The following DLG2 variants were observed in gnomAD, a reference collection of about 807,000 sequenced individuals.
The protein encoded by DLG2 is discs large MAGUK scaffold protein 2, also known as disks large homolog 2.
Under a neutral mutation model 132.5 loss-of-function variants are expected in DLG2, and 45 were observed. That is an observed-to-expected ratio of 0.34 (90% confidence interval 0.27 to 0.44). DLG2 has a LOEUF of 0.44. Among genes scored for constraint, DLG2 ranks in the 20% least tolerant of loss-of-function variants. The pLI is 1.00. For missense variants in DLG2, 1,045 were observed against 1,196.9 expected, an observed-to-expected ratio of 0.87 and a Z score of 1.87; for synonymous variants, 424 against 419.6, an observed-to-expected ratio of 1.01 and a Z score of -0.13.
At chr11:84,076,452 C>T (rs545231993) in intron 10 of DLG2, among the ~76,000 whole-genome samples, 4 of 152,142 alleles carry the variant, frequency 2.6e-5, no homozygotes, top group African/African-American at 7.2e-5. Flanking sequence ...CTACGCCACG[C>T]GATTATTGCT....
At chr11:84,059,276 T>G in intron 11 of DLG2, 39 bp downstream of exon 11, 1 of 1,598,784 alleles carries the variant, frequency 6.3e-7, no homozygotes, top group Non-Finnish European at 8.5e-7. Context: ...GTCAGATGGT[T>G]TGTCACTAGT....
intron 3 of DLG2, among the ~76,000 whole-genome samples, chr11:85,492,616 C>T (rs542798951): frequency 1.3e-5 from 2 of 152,178 alleles, no homozygotes; most frequent in African/African-American, 4.8e-5. Context: ...TAGATTTATA[C>T]AAATAAAATT....
chr11:85,425,474 G>T (rs1412299257), intron 3 of DLG2, among the ~76,000 whole-genome samples: 2 of 151,826 alleles, frequency 1.3e-5, no homozygotes, highest in African/African-American at 4.8e-5. Flanking sequence ...TGTTTTTGAG[G>T]TTATGGTAAA....
At chr11:85,217,806 C>T (rs555582172) in intron 4 of DLG2, among the ~76,000 whole-genome samples, 2 of 152,320 alleles carry the variant, frequency 1.3e-5, no homozygotes, top group East Asian at 3.9e-4. Context: ...AAAGTTACCT[C>T]TTCGGTTGCT....
intron 7 of DLG2, among the ~76,000 whole-genome samples, chr11:84,521,176 G>A (rs1276963128): frequency 6.6e-6 from 1 of 152,238 alleles, no homozygotes; most frequent in Non-Finnish European, 1.5e-5. Flanking sequence ...GATGAAGAGA[G>A]AGGTTGGTCT....
At chr11:84,331,599 G>T (rs928595805) in intron 7 of DLG2, among the ~76,000 whole-genome samples, 1 of 151,098 alleles carries the variant, frequency 6.6e-6, no homozygotes, top group African/African-American at 2.4e-5. Flanking sequence ...GGAGAGGTGG[G>T]GCGGCCGGGT....
intron 26 of DLG2, among the ~76,000 whole-genome samples, chr11:83,465,578 G>A (rs1238624092): frequency 6.6e-6 from 1 of 152,022 alleles, no homozygotes; most frequent in Non-Finnish European, 1.5e-5. Flanking sequence ...TCATGGAAGA[G>A]GTACTGTTTA....
chr11:85,340,601 C>T (rs2152857882), intron 3 of DLG2, among the ~76,000 whole-genome samples: 1 of 152,304 alleles, frequency 6.6e-6, no homozygotes, highest in Non-Finnish European at 1.5e-5. Flanking sequence ...ATCAAACCTG[C>T]ACATTGTGCA....
At chr11:84,178,415 C>T (rs2096027789) in intron 8 of DLG2, among the ~76,000 whole-genome samples, 1 of 152,070 alleles carries the variant, frequency 6.6e-6, no homozygotes, top group South Asian at 2.1e-4. Flanking sequence ...AGTTTGAGTG[C>T]ATATGAAAGG....
At chr11:85,473,596 A>T (rs1201797641) in intron 3 of DLG2, among the ~76,000 whole-genome samples, 3 of 152,142 alleles carry the variant, frequency 2.0e-5, no homozygotes, top group African/African-American at 7.2e-5. Context: ...TTTTTAACAT[A>T]ATGACCACTT....
At chr11:83,530,286 T>C (rs1270617841) in intron 21 of DLG2, among the ~76,000 whole-genome samples, 2 of 152,122 alleles carry the variant, frequency 1.3e-5, no homozygotes, top group Non-Finnish European at 2.9e-5. Context: ...CAATAAATTT[T>C]CATTTCATTT....
chr11:84,676,314 T>G (rs1174941407), intron 6 of DLG2, among the ~76,000 whole-genome samples: 2 of 152,038 alleles, frequency 1.3e-5, no homozygotes, highest in Non-Finnish European at 2.9e-5. Flanking sequence ...TTATAATTAG[T>G]CAGTTCTTTC....
At chr11:83,963,767 C>T (rs2089495645) in intron 13 of DLG2, among the ~76,000 whole-genome samples, 1 of 151,990 alleles carries the variant, frequency 6.6e-6, no homozygotes, top group Non-Finnish European at 1.5e-5. Flanking sequence ...CATCCGCAAA[C>T]ATAGGCTGTG....
intron 14 of DLG2, among the ~76,000 whole-genome samples, chr11:83,955,256 G>A (rs2086536656): frequency 6.6e-6 from 1 of 152,134 alleles, no homozygotes; most frequent in Non-Finnish European, 1.5e-5. Flanking sequence ...ACTGATTCAA[G>A]GTCACACAGC....
chr11:84,244,569 C>T (rs2097277653), intron 8 of DLG2, among the ~76,000 whole-genome samples: 1 of 152,198 alleles, frequency 6.6e-6, no homozygotes, highest in South Asian at 2.1e-4. Context: ...CTAGGTTTGA[C>T]ACCAGAGCAA....
chr11:84,973,711 A>C (rs1421471450), intron 6 of DLG2, among the ~76,000 whole-genome samples: 1 of 152,210 alleles, frequency 6.6e-6, no homozygotes, highest in Non-Finnish European at 1.5e-5. Context: ...GCTGGATAGT[A>C]AATATTCTAG....
chr11:85,273,662 G>A (rs1393038865), intron 4 of DLG2, among the ~76,000 whole-genome samples: 1 of 152,222 alleles, frequency 6.6e-6, no homozygotes. Context: ...TGGTGGGACT[G>A]TAAACTAGTT....
chr11:83,851,350 C>T (rs942555008), intron 16 of DLG2, among the ~76,000 whole-genome samples: 3 of 152,090 alleles, frequency 2.0e-5, no homozygotes, highest in South Asian at 2.1e-4. Context: ...CAGGGCTGGG[C>T]GGGGTGGCTC....
At chr11:84,526,969 G>A (rs1591590662) in intron 7 of DLG2, among the ~76,000 whole-genome samples, 1 of 151,870 alleles carries the variant, frequency 6.6e-6, no homozygotes, top group African/African-American at 2.4e-5. Context: ...TAGTAGAGAC[G>A]GGGTTTCACC....
Sources: gnomAD v4.1 joint callset for allele counts (sites outside exome capture counted in the v4.1 genomes callset) on GRCh38, gnomAD v4.1.1 for gene constraint, MANE v1.5 for transcripts, NCBI Gene and HGNC (gene_info 2026-07-23, HGNC 2026-07-21) for gene names.